The following ESD variants were observed in gnomAD, a reference collection of about 807,000 sequenced individuals.
ESD encodes the protein S-formylglutathione hydrolase.
Under a neutral mutation model 38.1 loss-of-function variants are expected in ESD, and 34 were observed. The observed-to-expected ratio is 0.89, with a 90% CI of 0.68 to 1.19. The LOEUF (loss-of-function observed/expected upper bound fraction) is 1.19, where lower values mean the gene tolerates loss of function less well. Among genes scored for constraint, ESD ranks in the 50% most tolerant of loss-of-function variants. ESD has a pLI of 0.00. For synonymous variants in ESD, 97 were observed against 107.0 expected, an observed-to-expected ratio of 0.91 and a Z score of 0.58; for missense variants, 334 against 327.2, an observed-to-expected ratio of 1.02 and a Z score of -0.16.
chr13:46,793,933 T>A (rs1216965), intron 1 of ESD, among the ~76,000 whole-genome samples: 101,355 of 151,954 alleles, frequency 0.67, 35,405 homozygotes, highest in African/African-American at 0.88. Context: ...AGAAAGGATG[T>A]ATAAGAAAAG....
intron 3 of ESD, among the ~76,000 whole-genome samples, chr13:46,789,312 A>G (rs1004859321): frequency 6.6e-6 from 1 of 152,198 alleles, no homozygotes; most frequent in Admixed American, 6.5e-5. Flanking sequence ...AAACATCTTC[A>G]TTCTACTCTC....
chr13:46,779,022 G>A (rs1482576617), intron 8 of ESD, among the ~76,000 whole-genome samples: 1 of 151,568 alleles, frequency 6.6e-6, no homozygotes, highest in Non-Finnish European at 1.5e-5. Flanking sequence ...TTTTCTGCTT[G>A]TTAACAATAC....
Position 46,772,277 on chromosome 13 carries a change from G to T in ESD, c.769-781C>A, listed in dbSNP as rs948418616. On this transcript the variant is annotated intron_variant, in intron 9 of 9. Coordinates refer to ENST00000378720, the MANE Select transcript of ESD (RefSeq NM_001984.2). Reference sequence around the variant, plus strand: ...ATGCAATGTGCTAAGCAGTTAAGTTGAAAGAGATTTCTATCTATCCAGTCA... The same window carrying T: ...ATGCAATGTGCTAAGCAGTTAAGTTTAAAGAGATTTCTATCTATCCAGTCA... Among the ~76,000 whole-genome samples, 4 of 152,224 alleles carry T rather than the reference G, an allele frequency of 2.6e-5. No individual in the cohort carries two copies. The East Asian group carries it at 7.7e-4, about 29-fold the overall frequency.
At chr13:46,796,662 G>T (rs935468658) in intron 1 of ESD, among the ~76,000 whole-genome samples, 4 of 152,236 alleles carry the variant, frequency 2.6e-5, no homozygotes, top group Non-Finnish European at 5.9e-5. Context: ...CGCGGACGCT[G>T]CCTAGAGCAG....
chr13:46,787,802 T>C (rs1017971671), intron 3 of ESD, among the ~76,000 whole-genome samples: 2 of 151,910 alleles, frequency 1.3e-5, no homozygotes, highest in South Asian at 2.1e-4. Context: ...ACTAAATATA[T>C]ATAAAAACTA....
At chr13:46,779,638 A>G (rs536934280) in intron 8 of ESD, among the ~76,000 whole-genome samples, 10 of 149,040 alleles carry the variant, frequency 6.7e-5, no homozygotes, top group Non-Finnish European at 1.2e-4. Flanking sequence ...CATTAGTAGA[A>G]AAAAAATATA....
At chr13:46,781,710 A>G in intron 6 of ESD, 95 bp from the exon 7 acceptor site, 1 of 1,133,242 alleles carries the variant, frequency 8.8e-7, no homozygotes, top group East Asian at 2.5e-5. Flanking sequence ...CAATACTGCC[A>G]AATCATAGTC....
chr13:46,771,622 G>A (rs1874611374), intron 9 of ESD, 126 bp from the exon 10 acceptor site: 1 of 529,144 alleles, frequency 1.9e-6, no homozygotes, highest in Admixed American at 3.3e-5. Flanking sequence ...GGAAGTATGA[G>A]GAAGGTTTAT....
chr13:46,782,519 A>G (rs547871760), intron 6 of ESD, 148 bp downstream of exon 6: 1 of 689,928 alleles, frequency 1.4e-6, no homozygotes, highest in Admixed American at 2.9e-5. Context: ...AAATTGCAGT[A>G]AATAGAACTA....
chr13:46,778,283 T>C (rs8192890), intron 8 of ESD, among the ~76,000 whole-genome samples: 69,007 of 151,450 alleles, frequency 0.46, 15,987 homozygotes, highest in Middle Eastern at 0.49. Flanking sequence ...TTCATATATA[T>C]TCATTAACCA....
chr13:46,788,673 C>CAAAAAAAA (rs10599927), intron 3 of ESD, among the ~76,000 whole-genome samples: 1 of 82,402 alleles, frequency 1.2e-5, no homozygotes, highest in Admixed American at 1.3e-4. Flanking sequence ...TATGTAAAAG[C>CAAAAAAAA]AAAAAAAAAA....
chr13:46,771,867 GA>G (rs1874618674), intron 9 of ESD, among the ~76,000 whole-genome samples: 1 of 152,036 alleles, frequency 6.6e-6, no homozygotes, highest in Non-Finnish European at 1.5e-5. Context: ...CACTGTCATT[GA>G]AAATGACACT....
At chr13:46,787,146 C>A in intron 3 of ESD, 37 bp from the exon 4 acceptor site, 1 of 1,199,628 alleles carries the variant, frequency 8.3e-7, no homozygotes, top group Non-Finnish European at 1.2e-6. Flanking sequence ...ATATTAATGC[C>A]CCTCATTAAT....
chr13:46,794,476 G>A (rs1163403774), intron 1 of ESD, among the ~76,000 whole-genome samples: 1 of 151,896 alleles, frequency 6.6e-6, no homozygotes, highest in Non-Finnish European at 1.5e-5. Flanking sequence ...TAGGACTACA[G>A]GTGCGTACCA....
chr13:46,775,975 C>T (rs1874784644), intron 9 of ESD: 2 of 229,152 alleles, frequency 8.7e-6, no homozygotes, highest in Non-Finnish European at 1.8e-5. Flanking sequence ...GTAGAAACAA[C>T]AGAAATTTTG....
At position 46,791,288 on chromosome 13, in the gene ESD, T is replaced by C. The variant is rs1593411316; in HGVS notation, c.68+58A>G. 4.6e-6 allele frequency: 6 copies of C among 1,312,304 alleles called. No homozygotes were observed. The Admixed American group carries it at 7.5e-5, about 16-fold the overall frequency. The allele number at this position is 1,312,304 out of a possible 1,614,324, so 81.3% of individuals were successfully genotyped here. A position where few individuals can be genotyped will look rare whatever the true frequency, so the allele number is the denominator to read the frequency against. On this transcript the variant is annotated intron_variant, in intron 3 of 9. Transcript: ENST00000378720. Reference sequence around the variant, plus strand: ...ATCTAGATAAAGATTGGTTTTAAAATAGAACAAAATAATCCAACAGAATGA... The same window carrying C: ...ATCTAGATAAAGATTGGTTTTAAAACAGAACAAAATAATCCAACAGAATGA...
chr13:46,771,334 ATT>A lies in ESD; in HGVS notation c.*80_*81del, dbSNP rs199682790. ...AGCACTATAAAATCCAATGTTTTGA[ATT>A]TTTTTTTTTTTTGCTCAGCAATACA... is the stretch of plus-strand genomic sequence containing the variant. On this transcript the variant is annotated 3_prime_UTR_variant, in exon 10 of 10. Coordinates refer to ENST00000378720, the MANE Select transcript of ESD (RefSeq NM_001984.2). 4.3e-3 allele frequency: 2,997 copies of A among 695,968 alleles called. No homozygotes were observed. Among genetic ancestry groups the A allele is most frequent in the South Asian group, 5.3e-3 (235 of 44,342 alleles). 43.1% of individuals were successfully genotyped at this position (695,968 alleles called of 1,614,324 possible).
At chr13:46,772,506 T>C (rs928283856) in intron 9 of ESD, among the ~76,000 whole-genome samples, 2 of 152,226 alleles carry the variant, frequency 1.3e-5, no homozygotes, top group African/African-American at 2.4e-5. Flanking sequence ...ACGTGTGCCA[T>C]GGTGGTTTGC....
At chr13:46,793,997 A>G (rs1359015131) in intron 1 of ESD, among the ~76,000 whole-genome samples, 1 of 152,124 alleles carries the variant, frequency 6.6e-6, no homozygotes, top group Non-Finnish European at 1.5e-5. Flanking sequence ...TATATATGGA[A>G]ACTTACATAG....
Sources: gnomAD v4.1 joint callset for allele counts (sites outside exome capture counted in the v4.1 genomes callset) on GRCh38, gnomAD v4.1.1 for gene constraint, MANE v1.5 for transcripts, NCBI Gene and HGNC (gene_info 2026-07-23, HGNC 2026-07-21) for gene names.